The following INA variants were observed in gnomAD, a reference collection of about 807,000 sequenced individuals.
The protein encoded by INA is internexin neuronal intermediate filament protein alpha.
Under a neutral mutation model 40.1 loss-of-function variants are expected in INA, and 35 were observed. That is an observed-to-expected ratio of 0.87 (90% CI 0.67 to 1.16). The LOEUF is 1.16. INA is among the 50% of genes most tolerant of loss of function. The pLI, the probability that INA is intolerant of heterozygous loss-of-function variation, is 0.00. For missense variants in INA, 594 were observed against 686.7 expected (o/e 0.87, Z 1.51); for synonymous variants, 290 against 316.9 (o/e 0.92, Z 0.90).
At chr10:103,281,962 G>C (rs948132086) in intron 1 of INA, among the ~76,000 whole-genome samples, 1 of 152,230 alleles carries the variant, frequency 6.6e-6, no homozygotes, top group East Asian at 1.9e-4. Context: ...TGCGTGGTTG[G>C]GGGAGGGGAC....
intron 1 of INA, among the ~76,000 whole-genome samples, chr10:103,284,195 C>G (rs2093079692): frequency 6.6e-6 from 1 of 151,980 alleles, no homozygotes; most frequent in Admixed American, 6.6e-5. Context: ...TCAACCTCCG[C>G]CTACCGGGCT....
Position 103,277,741 on chromosome 10 carries a change from G to T in INA, c.530G>T (p.Arg177Leu), listed in dbSNP as rs2093063156. The T allele has an allele frequency of 4.9e-6, 7 of 1,419,324 alleles. No individual in the cohort carries two copies. The highest frequency in any genetic ancestry group is 4.5e-6 in the Non-Finnish European group (5 of 1,099,758). The allele number at this position is 1,419,324 out of a possible 1,614,324, so 87.9% of individuals were successfully genotyped here. A position where few individuals can be genotyped will look rare whatever the true frequency, so the allele number is the denominator to read the frequency against. ...ERDGLAEEVQ[R>L]LRARCEEESR... Reference sequence around the variant, plus strand: ...GACGGGCTGGCGGAGGAGGTGCAGCGGCTGCGGGCGCGCTGCGAGGAGGAG... The same window carrying T: ...GACGGGCTGGCGGAGGAGGTGCAGCTGCTGCGGGCGCGCTGCGAGGAGGAG... Residue 177 changes from arginine (R) to leucine (L), a missense_variant, in exon 1 of 3, where the codon CGG becomes CTG. This residue lies in a region of INA where 379 missense variants were observed against 496.1 expected (regional missense o/e 0.76). Coordinates refer to ENST00000369849, the MANE Select transcript of INA (RefSeq NM_032727.4). The surrounding 1 kb of genome is among the most constrained non-coding windows in gnomAD (Gnocchi z 5.6).
Position 103,277,788 on chromosome 10 carries a change from G to A in INA, c.577G>A (p.Glu193Lys). 1 of 1,511,310 alleles carries A rather than the reference G, an allele frequency of 6.6e-7. No individual in the cohort carries two copies. The highest frequency in any genetic ancestry group is 8.8e-7 in the Non-Finnish European group (1 of 1,137,190). The allele number at this position is 1,511,310 out of a possible 1,614,324, so 93.6% of individuals were successfully genotyped here. A position where few individuals can be genotyped will look rare whatever the true frequency, so the allele number is the denominator to read the frequency against. Reference sequence around the variant, plus strand: ...GGAGAGCCGCGGACGCGAAGGCGCCGAGCGCGCCCTGAAGGCGCAGCAGCG... The same window carrying A: ...GGAGAGCCGCGGACGCGAAGGCGCCAAGCGCGCCCTGAAGGCGCAGCAGCG... The part of the protein sequence containing the change: ...EEESRGREGA[E>K]RALKAQQRDV... Residue 193 changes from glutamate (E) to lysine (K), a missense_variant, in exon 1 of 3, where the codon GAG becomes AAG. Physicochemically the swap from Glu to Lys is moderately conservative, Grantham distance 56. This residue lies in a region of INA where 379 missense variants were observed against 496.1 expected (regional missense o/e 0.76). Coordinates refer to ENST00000369849, the MANE Select transcript of INA (RefSeq NM_032727.4). This position sits in a 1 kb window ranked among gnomAD's most constrained non-coding sequence, Gnocchi z 5.6.
chr10:103,289,780 G>C lies in INA; in HGVS notation c.*1111G>C, dbSNP rs2093095678. 1 of 152,172 alleles carries C rather than the reference G, an allele frequency of 6.6e-6. No individual in the cohort carries two copies. The highest frequency in any genetic ancestry group is 2.4e-5 in the African/African-American group (1 of 41,430). The allele number at this position is 152,172 out of a possible 1,614,324, so 9.4% of individuals were successfully genotyped here. ...ATGCCTTTTACGAGTGCTAAGTGTAGGATATTTTGTCACCAGAACACAATG... is the reference window on the plus strand; with the variant it reads ...ATGCCTTTTACGAGTGCTAAGTGTACGATATTTTGTCACCAGAACACAATG... On this transcript the variant is annotated 3_prime_UTR_variant, in exon 3 of 3. Coordinates refer to ENST00000369849, the MANE Select transcript of INA (RefSeq NM_032727.4).
chr10:103,288,076 G>A (rs992460494), intron 2 of INA, among the ~76,000 whole-genome samples: 4 of 152,174 alleles, frequency 2.6e-5, no homozygotes, highest in Non-Finnish European at 5.9e-5. Flanking sequence ...GTGGCCAAGT[G>A]GAGTTGCAGG....
At chr10:103,288,333 A>T in intron 2 of INA, 27 bp from the exon 3 acceptor site, 1 of 1,564,936 alleles carries the variant, frequency 6.4e-7, no homozygotes, top group South Asian at 1.2e-5. Flanking sequence ...TTGACTTCCT[A>T]AGAGTTTTTC....
At chr10:103,284,938 A>G (rs1446397747) in intron 1 of INA, among the ~76,000 whole-genome samples, 1 of 152,058 alleles carries the variant, frequency 6.6e-6, no homozygotes, top group Non-Finnish European at 1.5e-5. Context: ...ATTGGATGCA[A>G]ATGAAGACCT....
chr10:103,287,731 TAAAAAAAAAAA>T (rs942151006), intron 2 of INA, among the ~76,000 whole-genome samples: 4 of 77,980 alleles, frequency 5.1e-5, no homozygotes, highest in Non-Finnish European at 7.7e-5. Context: ...AGACTCTGTC[TAAAAAAAAAAA>T]AAAAAAAAAA....
rs1449814692 is a variant in INA at position 103,278,983 on chromosome 10, C to G, written c.1065+707C>G. Among the ~76,000 whole-genome samples, 1 of 151,676 alleles carries G rather than the reference C, an allele frequency of 6.6e-6. No homozygotes were observed. Among genetic ancestry groups the G allele is most frequent in the Non-Finnish European group, 1.5e-5 (1 of 67,952 alleles). ...ATTTCCTCCTTAAGAAAGCGTTCGC[C>G]GGTTGGCAAAACGTGAAAGGTCGGG... On this transcript the variant is annotated intron_variant, in intron 1 of 2. Transcript: ENST00000369849. The surrounding 1 kb of genome is among the most constrained non-coding windows in gnomAD (Gnocchi z 4.9).
At chr10:103,279,577 T>C (rs991745421) in intron 1 of INA, among the ~76,000 whole-genome samples, 2 of 152,208 alleles carry the variant, frequency 1.3e-5, no homozygotes, top group African/African-American at 4.8e-5. Context: ...ATGACTATAA[T>C]TCAGAAACTT....
At chr10:103,284,827 A>G (rs1409975449) in intron 1 of INA, among the ~76,000 whole-genome samples, 1 of 151,910 alleles carries the variant, frequency 6.6e-6, no homozygotes, top group African/African-American at 2.4e-5. Flanking sequence ...CATTCAACTG[A>G]GTGCTTTTTT....
At position 103,278,362 on chromosome 10, in the gene INA, C is replaced by A; in HGVS notation, c.1065+86C>A. 8.7e-7 allele frequency: 1 copy of A among 1,152,406 alleles called. No individual in the cohort carries two copies. 71.4% of individuals were successfully genotyped at this position (1,152,406 alleles called of 1,614,324 possible). ...CCTCTGGTAAAACTGGGCCCCAGGACTTAAGGGGAGGGCAAAAGAGAGGAG... is the reference window on the plus strand; with the variant it reads ...CCTCTGGTAAAACTGGGCCCCAGGAATTAAGGGGAGGGCAAAAGAGAGGAG... On this transcript the variant is annotated intron_variant, in intron 1 of 2. Transcript: ENST00000369849. This position sits in a 1 kb window ranked among gnomAD's most constrained non-coding sequence, Gnocchi z 4.9.
At chr10:103,282,219 C>G (rs1196519972) in intron 1 of INA, among the ~76,000 whole-genome samples, 1 of 152,218 alleles carries the variant, frequency 6.6e-6, no homozygotes, top group Admixed American at 6.5e-5. Context: ...GAAATCTCAT[C>G]TGTCTAGAAC....
Position 103,278,016 on chromosome 10 carries a change from C to G in INA, c.805C>G (p.Arg269Gly). The G allele has an allele frequency of 6.2e-7, 1 of 1,608,268 alleles. No homozygotes were observed. Among genetic ancestry groups the G allele is most frequent in the Non-Finnish European group, 8.5e-7 (1 of 1,177,630 alleles). The change falls in exon 1 of 3, where the codon CGC (arginine) becomes GGC (glycine). Residue 269 changes from arginine to glycine, a missense_variant. This residue lies in a region of INA where 379 missense variants were observed against 496.1 expected (regional missense o/e 0.76). Coordinates refer to ENST00000369849, the MANE Select transcript of INA (RefSeq NM_032727.4). This position sits in a 1 kb window ranked among gnomAD's most constrained non-coding sequence, Gnocchi z 4.9. Reference sequence around the variant, plus strand: ...CCTGACCTCGGCTCTGAGGGAGATCCGCGCCCAGTATGAGTCCCTGGCCGC... The same window carrying G: ...CCTGACCTCGGCTCTGAGGGAGATCGGCGCCCAGTATGAGTCCCTGGCCGC... ...PDLTSALREI[R>G]AQYESLAAKN...
intron 1 of INA, among the ~76,000 whole-genome samples, chr10:103,286,776 C>T (rs2093087234): frequency 6.6e-6 from 1 of 152,020 alleles, no homozygotes; most frequent in Non-Finnish European, 1.5e-5. Flanking sequence ...TGTTCACTTG[C>T]CCTCTGGGTA....
rs765348916 is a variant in INA, at chr10:103,288,465, C to T, written c.1296C>T (p.Leu432=). Residue 432 remains leucine (L), a synonymous_variant, in exon 3 of 3, where the codon CTC becomes CTT. Coordinates refer to ENST00000369849, the MANE Select transcript of INA (RefSeq NM_032727.4). ...NPSYLLPPRI[L]SATTSKVSST... The stretch of plus-strand genomic sequence containing the variant: ...GTTACCTGCTCCCACCTAGAATCCT[C>T]AGTGCTACAACCTCCAAAGTCTCAT... The T allele has an allele frequency of 6.2e-7, 1 of 1,614,054 alleles. No homozygotes were observed. Among genetic ancestry groups the T allele is most frequent in the Non-Finnish European group, 8.5e-7 (1 of 1,179,998 alleles).
chr10:103,282,649 C>T (rs1592043335), intron 1 of INA, among the ~76,000 whole-genome samples: 1 of 151,918 alleles, frequency 6.6e-6, no homozygotes, highest in African/African-American at 2.4e-5. Flanking sequence ...TTATCATGAC[C>T]CTTAATTGCT....
In INA at chr10:103,288,719, G is replaced by T; in HGVS notation, c.*50G>T. On this transcript the variant is annotated 3_prime_UTR_variant, in exon 3 of 3. Coordinates refer to ENST00000369849, the MANE Select transcript of INA (RefSeq NM_032727.4). ...GCTTAAGAGGGAATGATATGCATTT[G>T]ACTTGTTAAACAGCCTATTCCTGAA... 1 of 1,252,436 alleles carries T rather than the reference G, an allele frequency of 8.0e-7. No individual in the cohort carries two copies. Among genetic ancestry groups the T allele is most frequent in the South Asian group, 1.5e-5 (1 of 66,968 alleles). 77.6% of individuals were successfully genotyped at this position (1,252,436 alleles called of 1,614,324 possible).
chr10:103,280,493 T>C, intron 1 of INA: 1 of 985,452 alleles, frequency 1.0e-6, no homozygotes, highest in Non-Finnish European at 1.2e-6. Flanking sequence ...TCCCCACCTT[T>C]CACTGCAGTA....
Sources: gnomAD v4.1 joint callset for allele counts (sites outside exome capture counted in the v4.1 genomes callset) on GRCh38, gnomAD v4.1.1 for gene constraint, gnomAD v4.1.1 regional missense constraint, Gnocchi (gnomAD v3.1) non-coding constraint, MANE v1.5 for transcripts, NCBI Gene and HGNC (gene_info 2026-07-23, HGNC 2026-07-21) for gene names.